Variants in PFKP observed in about 807,000 individuals in gnomAD.
PFKP encodes phosphofructokinase, platelet, also known as ATP-dependent 6-phosphofructokinase, platelet type.
In PFKP, 101 loss-of-function variants were observed where a neutral mutation model predicts 94.3. The observed-to-expected ratio is 1.07, with a 90% CI of 0.91 to 1.26. The LOEUF is 1.26. Ranked by LOEUF, PFKP falls within the 50% of genes most tolerant of loss-of-function variation. The probability of loss-of-function intolerance (pLI) is 0.00; values close to 1 mark genes in which losing one functional copy is unlikely to be tolerated. For missense variants in PFKP, 1,145 were observed against 1,103.3 expected (o/e 1.04, Z -0.53); for synonymous variants, 573 against 432.6 (o/e 1.32, Z -4.03).
chr10:3,080,601 TAAC>T (rs1460063906), intron 1 of PFKP, among the ~76,000 whole-genome samples: 1 of 141,690 alleles, frequency 7.1e-6, no homozygotes, highest in African/African-American at 2.7e-5. Context: ...TAGAAAGAAA[TAAC>T]AAGTGTGAAA....
chr10:3,108,867 C>G, intron 9 of PFKP, 74 bp downstream of exon 9: 1 of 1,099,142 alleles, frequency 9.1e-7, no homozygotes, highest in Non-Finnish European at 1.4e-6. Flanking sequence ...CAGGCACCAG[C>G]CGGCCACAGA....
At chr10:3,107,183 A>G in intron 7 of PFKP, 31 bp from the exon 8 acceptor site, 2 of 1,337,834 alleles carry the variant, frequency 1.5e-6, no homozygotes, top group South Asian at 1.2e-5. Context: ...AGGATTAGGA[A>G]TTTGAGAGCT....
Position 3,082,401 on chromosome 10 carries a change from C to A in PFKP, c.126C>A (p.Ala42=), listed in dbSNP as rs375321943. The part of the protein sequence containing the change: ...SGGDAQGMNA[A]VRAVVRMGIY... ...TTTCCACTGCAGGTATGAACGCTGC[C>A]GTCCGTGCCGTGGTGCGCATGGGTA... Residue 42 remains alanine, a synonymous_variant, in exon 2 of 22, where the codon GCC becomes GCA. Transcript: ENST00000381125. The A allele has an allele frequency of 2.5e-6, 4 of 1,606,534 alleles. No individual in the cohort carries two copies. The highest frequency in any genetic ancestry group is 2.2e-5 in the South Asian group (2 of 90,456).
rs1255716474 is a variant in PFKP, at chr10:3,111,174, GTGTA to G, written c.1090-1044_1090-1041del. On this transcript the variant is annotated intron_variant, in intron 10 of 21. Transcript: ENST00000381125. Reference sequence around the variant, plus strand: ...TGTGCATGTGTTTATATGGATGTGTGTGTATGTTTGTGAGAGGTAGTATGTGCCT... The same window carrying G: ...TGTGCATGTGTTTATATGGATGTGTGTGTTTGTGAGAGGTAGTATGTGCCT... Among the ~76,000 whole-genome samples, 8 of 152,280 alleles carry G rather than the reference GTGTA, an allele frequency of 5.3e-5. No individual in the cohort carries two copies. In the East Asian group the frequency reaches 1.5e-3, roughly 29 times the overall value.
At chr10:3,124,291 C>T (rs1043603744) in intron 16 of PFKP, among the ~76,000 whole-genome samples, 1 of 152,224 alleles carries the variant, frequency 6.6e-6, no homozygotes, top group Non-Finnish European at 1.5e-5. Flanking sequence ...ATGTCAAAAA[C>T]ACCTTGCTGT....
At chr10:3,087,879 T>G (rs887078307) in intron 2 of PFKP, among the ~76,000 whole-genome samples, 2 of 152,130 alleles carry the variant, frequency 1.3e-5, no homozygotes, top group Admixed American at 1.3e-4. Flanking sequence ...GCCAGGACTT[T>G]GTATGAGTGG....
intron 13 of PFKP, among the ~76,000 whole-genome samples, chr10:3,115,039 G>A (rs974039861): frequency 4.6e-5 from 7 of 152,192 alleles, no homozygotes; most frequent in African/African-American, 1.7e-4. Context: ...TGGAGGGCAC[G>A]GAGGGCAGAT....
intron 2 of PFKP, among the ~76,000 whole-genome samples, chr10:3,086,326 ACTTCT>A (rs1833596281): frequency 6.6e-6 from 1 of 152,102 alleles, no homozygotes; most frequent in African/African-American, 2.4e-5. Context: ...GAAGGAAATC[ACTTCT>A]CTTATTTCAC....
intron 1 of PFKP, among the ~76,000 whole-genome samples, chr10:3,079,001 C>T (rs1832811576): frequency 6.6e-6 from 1 of 152,210 alleles, no homozygotes; most frequent in Non-Finnish European, 1.5e-5. Flanking sequence ...AATGCAAGTT[C>T]CCAGGCTCCC....
chr10:3,126,211 G>T (rs1837927784), intron 16 of PFKP, among the ~76,000 whole-genome samples: 1 of 152,324 alleles, frequency 6.6e-6, no homozygotes, highest in South Asian at 2.1e-4. Context: ...GAGCAGAGGA[G>T]CCATGAGGTC....
chr10:3,095,415 G>T (rs979888589), intron 2 of PFKP, among the ~76,000 whole-genome samples: 1 of 152,200 alleles, frequency 6.6e-6, no homozygotes, highest in African/African-American at 2.4e-5. Context: ...TGACTTCAGA[G>T]CCTGTGGCAT....
In PFKP at chr10:3,134,031, C is replaced by T. The variant is rs766540158; in HGVS notation, c.2023-452C>T. On this transcript the variant is annotated intron_variant, in intron 19 of 21. Coordinates refer to ENST00000381125, the MANE Select transcript of PFKP (RefSeq NM_002627.5). The stretch of plus-strand genomic sequence containing the variant: ...TGAGCTGAGCCTGGGACACAGGGTC[C>T]AGGCCTCCTAACTTGCACACACTCC... 1.4e-4 allele frequency among the ~76,000 whole-genome samples: 22 copies of T among 152,282 alleles called. No individual in the cohort carries two copies. The East Asian group carries it at 4.1e-3, about 28-fold the overall frequency.
intron 10 of PFKP, among the ~76,000 whole-genome samples, chr10:3,110,148 G>GGT (rs1218250225): frequency 6.6e-6 from 1 of 152,104 alleles, no homozygotes; most frequent in Non-Finnish European, 1.5e-5. Context: ...TTCAGGCATT[G>GGT]GTTCAGTAGT....
chr10:3,118,595 G>C (rs190244689), intron 14 of PFKP, among the ~76,000 whole-genome samples, 187 bp from the exon 15 acceptor site: 2 of 152,322 alleles, frequency 1.3e-5, no homozygotes, highest in East Asian at 3.9e-4. Flanking sequence ...ACACTGTTTT[G>C]AGATGAGATT....
At chr10:3,104,271 C>G (rs1211600183) in intron 5 of PFKP, among the ~76,000 whole-genome samples, 1 of 152,214 alleles carries the variant, frequency 6.6e-6, no homozygotes, top group Non-Finnish European at 1.5e-5. Flanking sequence ...ATTTTCCACA[C>G]TACTCATTAG....
chr10:3,122,465 G>A (rs1165503232), intron 16 of PFKP, among the ~76,000 whole-genome samples: 8 of 152,194 alleles, frequency 5.3e-5, no homozygotes, highest in Admixed American at 3.9e-4. Flanking sequence ...GTTTACTGAC[G>A]GCCGAACAGT....
At chr10:3,071,962 C>T (rs552532346) in intron 1 of PFKP, among the ~76,000 whole-genome samples, 390 of 152,306 alleles carry the variant, frequency 2.6e-3, no homozygotes, top group Non-Finnish European at 3.9e-3. Context: ...GTGGTGGGGC[C>T]GGGCCCTGTG....
intron 17 of PFKP, among the ~76,000 whole-genome samples, chr10:3,130,470 G>A (rs1408899306): frequency 1.3e-5 from 2 of 152,174 alleles, no homozygotes; most frequent in East Asian, 1.9e-4. Context: ...CTGCTTGGAC[G>A]ACACAGCAGA....
intron 2 of PFKP, among the ~76,000 whole-genome samples, chr10:3,097,726 C>G (rs1002374745): frequency 6.6e-6 from 1 of 152,218 alleles, no homozygotes; most frequent in African/African-American, 2.4e-5. Flanking sequence ...CACATGTGGC[C>G]AGGCATGGTG....
Sources: gnomAD v4.1 joint callset for allele counts (sites outside exome capture counted in the v4.1 genomes callset) on GRCh38, gnomAD v4.1.1 for gene constraint, MANE v1.5 for transcripts, NCBI Gene and HGNC (gene_info 2026-07-23, HGNC 2026-07-21) for gene names.